BLVRA: variants seen among roughly 807,000 people sequenced by gnomAD.
BLVRA encodes biliverdin reductase A.
A neutral mutation model predicts 32.8 loss-of-function variants in BLVRA; 22 were observed. That is an observed-to-expected ratio of 0.67 (90% CI 0.48 to 0.96). The LOEUF (loss-of-function observed/expected upper bound fraction) is 0.96. BLVRA is among the 40% of genes least tolerant of loss of function. The pLI is 0.00. For synonymous variants in BLVRA, 119 were observed against 141.3 expected (o/e 0.84, Z 1.12); for missense variants, 323 against 358.1 (o/e 0.90, Z 0.79).
intron 2 of BLVRA, among the ~76,000 whole-genome samples, chr7:43,784,746 G>C (rs1268302394): frequency 1.3e-5 from 2 of 151,898 alleles, no homozygotes; most frequent in Non-Finnish European, 2.9e-5. Context: ...TGGGGTTACA[G>C]GCACCCGCCA....
chr7:43,800,186 C>G (rs2095797153), intron 5 of BLVRA, among the ~76,000 whole-genome samples: 1 of 151,798 alleles, frequency 6.6e-6, no homozygotes, highest in African/African-American at 2.4e-5. Flanking sequence ...GAACTCCTGA[C>G]CTCAGGTGAT....
intron 5 of BLVRA, among the ~76,000 whole-genome samples, chr7:43,793,618 C>CT (rs35816005): frequency 0.011 from 1,490 of 135,520 alleles, 16 homozygotes; most frequent in African/African-American, 0.025. Context: ...TCTTTTACAA[C>CT]TTTTTTTTTT....
intron 1 of BLVRA, among the ~76,000 whole-genome samples, chr7:43,768,676 T>C (rs1053314922): frequency 5.3e-5 from 8 of 152,172 alleles, no homozygotes; most frequent in Admixed American, 5.2e-4. Context: ...TGTTCTGTTA[T>C]CTGACTATCA....
intron 2 of BLVRA, among the ~76,000 whole-genome samples, chr7:43,771,725 C>T (rs1028635877): frequency 1.3e-5 from 2 of 152,224 alleles, no homozygotes; most frequent in Non-Finnish European, 2.9e-5. Context: ...CAGAGGCCAT[C>T]CCCACAAGAG....
chr7:43,798,647 G>T (rs2095795446), intron 5 of BLVRA, among the ~76,000 whole-genome samples: 1 of 152,116 alleles, frequency 6.6e-6, no homozygotes. Flanking sequence ...GGCTCATCTT[G>T]TACTTTCTCT....
At chr7:43,769,309 T>C (rs932204846) in intron 1 of BLVRA, among the ~76,000 whole-genome samples, 4 of 151,906 alleles carry the variant, frequency 2.6e-5, no homozygotes, top group African/African-American at 9.7e-5. Flanking sequence ...GGATTACAGG[T>C]GTGAGCTACC....
intron 2 of BLVRA, among the ~76,000 whole-genome samples, chr7:43,779,207 A>G (rs1466347607): frequency 6.6e-6 from 1 of 152,232 alleles, no homozygotes; most frequent in Non-Finnish European, 1.5e-5. Context: ...TCAGATGGAA[A>G]TGCAGAAATC....
intron 1 of BLVRA, chr7:43,767,700 G>A: frequency 2.0e-6 from 1 of 492,144 alleles, no homozygotes; most frequent in Non-Finnish European, 3.8e-6. Flanking sequence ...ACATGTTAAA[G>A]TCAGTCTTAA....
chr7:43,788,799 G>A (rs2095781646), intron 3 of BLVRA, among the ~76,000 whole-genome samples: 1 of 149,864 alleles, frequency 6.7e-6, no homozygotes, highest in Non-Finnish European at 1.5e-5. Flanking sequence ...ACCACGCCTG[G>A]ATAATTTTTT....
chr7:43,769,388 G>A (rs1250007238), intron 1 of BLVRA, among the ~76,000 whole-genome samples: 1 of 152,116 alleles, frequency 6.6e-6, no homozygotes, highest in Non-Finnish European at 1.5e-5. Context: ...CCCAGGATCT[G>A]AGAAGAAAGT....
intron 1 of BLVRA, among the ~76,000 whole-genome samples, chr7:43,762,978 C>T (rs1482593551): frequency 2.0e-5 from 3 of 152,076 alleles, no homozygotes; most frequent in Non-Finnish European, 4.4e-5. Context: ...ACGGTATGTG[C>T]CACTGGCATC....
At chr7:43,778,954 G>A (rs1329181451) in intron 2 of BLVRA, among the ~76,000 whole-genome samples, 7 of 152,370 alleles carry the variant, frequency 4.6e-5, no homozygotes, top group South Asian at 2.1e-4. Context: ...AGGACCCGCC[G>A]AGCCATGTGC....
chr7:43,769,283 G>A (rs2095751787), intron 1 of BLVRA, among the ~76,000 whole-genome samples: 1 of 152,132 alleles, frequency 6.6e-6, no homozygotes, highest in South Asian at 2.1e-4. Context: ...TCCCACCTCA[G>A]CCTCCCACAG....
At chr7:43,789,053 A>G (rs1352969517) in intron 3 of BLVRA, among the ~76,000 whole-genome samples, 3 of 151,944 alleles carry the variant, frequency 2.0e-5, no homozygotes, top group South Asian at 2.1e-4. Flanking sequence ...ACACACACAC[A>G]CGCACCACTC....
At chr7:43,779,702 A>G (rs1056029529) in intron 2 of BLVRA, among the ~76,000 whole-genome samples, 3 of 152,144 alleles carry the variant, frequency 2.0e-5, no homozygotes, top group African/African-American at 4.8e-5. Flanking sequence ...TAAAGAAACA[A>G]TAGAAGCTTT....
chr7:43,766,844 C>T (rs1300841992), intron 1 of BLVRA, among the ~76,000 whole-genome samples: 2 of 152,136 alleles, frequency 1.3e-5, no homozygotes, highest in Non-Finnish European at 2.9e-5. Flanking sequence ...TTAAAAACAG[C>T]AATGTGGCCA....
chr7:43,760,761 C>T (rs2095741365), intron 1 of BLVRA, among the ~76,000 whole-genome samples: 1 of 148,484 alleles, frequency 6.7e-6, no homozygotes, highest in Non-Finnish European at 1.5e-5. Flanking sequence ...TGACAATGTC[C>T]TCTTGAGTCT....
chr7:43,787,693 G>T lies in BLVRA; in HGVS notation c.13-211G>T, dbSNP rs553051610. Among the ~76,000 whole-genome samples, 1 of 152,290 alleles carries T rather than the reference G, an allele frequency of 6.6e-6. No homozygotes were observed. The highest frequency in any genetic ancestry group is 6.5e-5 in the Admixed American group (1 of 15,294). ...GTTTTCAACCTAAAGACATGGTGGA[G>T]CACCTTCAAGAACAGGTTTTGGCGG... On this transcript the variant is annotated intron_variant, in intron 2 of 7. Coordinates refer to ENST00000265523, the MANE Select transcript of BLVRA (RefSeq NM_000712.4). The surrounding 1 kb of genome is among the most constrained non-coding windows in gnomAD (Gnocchi z 4.5).
intron 1 of BLVRA, among the ~76,000 whole-genome samples, chr7:43,765,442 C>T (rs924030688): frequency 7.9e-5 from 12 of 152,020 alleles, no homozygotes; most frequent in African/African-American, 2.9e-4. Context: ...AGTAGAGACA[C>T]GGTTTCACCA....
Sources: allele counts gnomAD v4.1 joint callset (sites outside exome capture counted in the v4.1 genomes callset), GRCh38; gene constraint gnomAD v4.1.1; non-coding constraint Gnocchi (gnomAD v3.1); transcripts MANE v1.5; gene names NCBI Gene and HGNC (gene_info 2026-07-23, HGNC 2026-07-21).